CDH13: variants seen among roughly 807,000 people sequenced by gnomAD.
CDH13 encodes the protein cadherin 13.
Under a neutral mutation model 63.8 loss-of-function variants are expected in CDH13, and 24 were observed. The observed-to-expected ratio is 0.38, with a 90% CI of 0.27 to 0.53. The LOEUF is 0.53. Ranked by LOEUF, CDH13 falls within the 20% of genes least tolerant of loss-of-function variation. The pLI, the probability that CDH13 is intolerant of heterozygous loss-of-function variation, is 0.85. For synonymous variants in CDH13, 503 were observed against 355.3 expected (o/e 1.42, Z -4.67); for missense variants, 1,049 against 903.1 (o/e 1.16, Z -2.07).
At chr16:82,886,983 T>C (rs919180345) in intron 2 of CDH13, among the ~76,000 whole-genome samples, 7 of 152,208 alleles carry the variant, frequency 4.6e-5, no homozygotes, top group Non-Finnish European at 7.3e-5. Context: ...TGTGCACCTC[T>C]TTCTTTATCC....
chr16:83,381,405 A>G (rs531896567), intron 6 of CDH13, among the ~76,000 whole-genome samples: 31 of 152,198 alleles, frequency 2.0e-4, no homozygotes, highest in African/African-American at 3.6e-4. Context: ...GACTTAAGCC[A>G]ACAGTGACTT....
chr16:82,813,642 T>C (rs2037558829), intron 1 of CDH13, among the ~76,000 whole-genome samples: 1 of 152,116 alleles, frequency 6.6e-6, no homozygotes, highest in Non-Finnish European at 1.5e-5. Context: ...CCCAGATTGC[T>C]GGGGCTGGAC....
chr16:83,055,213 A>G (rs1399383942), intron 3 of CDH13, among the ~76,000 whole-genome samples: 3 of 152,090 alleles, frequency 2.0e-5, no homozygotes, highest in African/African-American at 7.2e-5. Flanking sequence ...CCTTGAATGC[A>G]TATATAAATC....
chr16:82,696,335 C>G (rs1049728840), intron 1 of CDH13, among the ~76,000 whole-genome samples: 1 of 152,060 alleles, frequency 6.6e-6, no homozygotes, highest in Non-Finnish European at 1.5e-5. Context: ...TACTTTCTAA[C>G]AAAAATTAGA....
chr16:82,953,620 G>C (rs1457529140), intron 2 of CDH13: 1 of 152,084 alleles, frequency 6.6e-6, no homozygotes, highest in Non-Finnish European at 1.5e-5. Flanking sequence ...ATAAAACATG[G>C]GTGAGAAAAT....
intron 8 of CDH13, among the ~76,000 whole-genome samples, chr16:83,663,630 T>C (rs577089776): frequency 6.6e-6 from 1 of 152,302 alleles, no homozygotes; most frequent in African/African-American, 2.4e-5. Context: ...GAGACATGAC[T>C]CCGACTCTTC....
intron 4 of CDH13, among the ~76,000 whole-genome samples, chr16:83,159,974 G>A (rs1217781727): frequency 6.6e-6 from 1 of 152,090 alleles, no homozygotes; most frequent in East Asian, 1.9e-4. Context: ...TACTCAGGAG[G>A]CTGAGGCACG....
chr16:82,991,837 TA>T (rs200014332), intron 2 of CDH13, among the ~76,000 whole-genome samples: 1 of 147,320 alleles, frequency 6.8e-6, no homozygotes, highest in African/African-American at 2.6e-5. Flanking sequence ...AGGAGAAATT[TA>T]AAACTTTAAT....
intron 6 of CDH13, among the ~76,000 whole-genome samples, chr16:83,421,481 G>T (rs2071712035): frequency 6.6e-6 from 1 of 152,104 alleles, no homozygotes; most frequent in South Asian, 2.1e-4. Flanking sequence ...TGTGTTTATT[G>T]CCTGATGGTT....
At chr16:83,053,005 G>T (rs1004889951) in intron 3 of CDH13, among the ~76,000 whole-genome samples, 1 of 152,120 alleles carries the variant, frequency 6.6e-6, no homozygotes, top group Non-Finnish European at 1.5e-5. Context: ...AAGCCTTGTG[G>T]TTTGGGACAC....
intron 6 of CDH13, among the ~76,000 whole-genome samples, chr16:83,370,234 A>C (rs2091339348): frequency 6.6e-6 from 1 of 152,094 alleles, no homozygotes; most frequent in Non-Finnish European, 1.5e-5. Flanking sequence ...AAAAAATAGA[A>C]AAAATTAGCC....
chr16:83,637,368 G>A (rs1241348419), intron 8 of CDH13, among the ~76,000 whole-genome samples: 12 of 74,732 alleles, frequency 1.6e-4, no homozygotes, highest in East Asian at 6.8e-4. Flanking sequence ...CTGAGGTACC[G>A]GGTTCATCTC....
intron 1 of CDH13, among the ~76,000 whole-genome samples, chr16:82,801,873 C>T (rs1460188934): frequency 2.0e-5 from 3 of 152,214 alleles, no homozygotes; most frequent in African/African-American, 4.8e-5. Context: ...TGTTCCCAAA[C>T]ACTCATTATG....
At chr16:83,150,483 ACAT>A (rs2036931177) in intron 4 of CDH13, among the ~76,000 whole-genome samples, 1 of 152,044 alleles carries the variant, frequency 6.6e-6, no homozygotes, top group South Asian at 2.1e-4. Flanking sequence ...TTCTCTATTG[ACAT>A]CATTTTCACC....
At chr16:83,485,540 C>G (rs1242173142) in intron 6 of CDH13, among the ~76,000 whole-genome samples, 1 of 152,144 alleles carries the variant, frequency 6.6e-6, no homozygotes, top group Non-Finnish European at 1.5e-5. Flanking sequence ...AGTAGGTACA[C>G]ATTAGTGTTT....
At chr16:83,310,539 A>G (rs1402738459) in intron 5 of CDH13, among the ~76,000 whole-genome samples, 3 of 152,162 alleles carry the variant, frequency 2.0e-5, no homozygotes, top group African/African-American at 7.2e-5. Context: ...CCTTAGCTAA[A>G]CCATCACCTC....
intron 3 of CDH13, among the ~76,000 whole-genome samples, chr16:83,050,191 C>T (rs1178972498): frequency 1.3e-5 from 2 of 152,114 alleles, no homozygotes; most frequent in Non-Finnish European, 2.9e-5. Context: ...CCTCCTTCTG[C>T]CTACTGTCGC....
chr16:82,739,277 A>T (rs563070751), intron 1 of CDH13, among the ~76,000 whole-genome samples: 26 of 152,316 alleles, frequency 1.7e-4, no homozygotes, highest in South Asian at 1.5e-3. Context: ...TGATTTAGAC[A>T]AGCTGACCAC....
At chr16:82,857,732 TGTC>T (rs1346367961) in intron 1 of CDH13, among the ~76,000 whole-genome samples, 4 of 152,344 alleles carry the variant, frequency 2.6e-5, no homozygotes, top group East Asian at 1.9e-4. Context: ...TGTAAAATAT[TGTC>T]ATTTCAACAT....
Sources: gnomAD v4.1 joint callset for allele counts (sites outside exome capture counted in the v4.1 genomes callset) on GRCh38, gnomAD v4.1.1 for gene constraint, MANE v1.5 for transcripts, NCBI Gene and HGNC (gene_info 2026-07-23, HGNC 2026-07-21) for gene names.